Variants in PAPPA observed in about 807,000 individuals in gnomAD.
The protein encoded by PAPPA is pappalysin-1.
Under a neutral mutation model 164.0 loss-of-function variants are expected in PAPPA, and 60 were observed. The observed-to-expected ratio is 0.37, with a 90% CI of 0.30 to 0.45. PAPPA has a LOEUF of 0.45. Ranked by LOEUF, PAPPA falls within the 20% of genes least tolerant of loss-of-function variation. The pLI is 1.00. For synonymous variants in PAPPA, 875 were observed against 814.1 expected (o/e 1.07, Z -1.27); for missense variants, 1,782 against 2,087.3 (o/e 0.85, Z 2.85).
intron 9 of PAPPA, among the ~76,000 whole-genome samples, chr9:116,291,625 G>T (rs1234080668): frequency 6.6e-6 from 1 of 151,896 alleles, no homozygotes; most frequent in East Asian, 1.9e-4. Flanking sequence ...TAAGACAAGG[G>T]CCAGAAATAT....
intron 9 of PAPPA, among the ~76,000 whole-genome samples, chr9:116,293,172 CA>C (rs1434204917): frequency 6.6e-6 from 1 of 151,984 alleles, no homozygotes. Flanking sequence ...TTAGATAACG[CA>C]ATAAATTTTA....
chr9:116,207,306 C>A, intron 2 of PAPPA, 150 bp from the exon 3 acceptor site: 2 of 583,992 alleles, frequency 3.4e-6, no homozygotes, highest in Non-Finnish European at 5.8e-6. Context: ...AATCATCTTA[C>A]TTATAATATT....
At chr9:116,181,076 T>C (rs1394381787) in intron 1 of PAPPA, among the ~76,000 whole-genome samples, 2 of 152,156 alleles carry the variant, frequency 1.3e-5, no homozygotes, top group Non-Finnish European at 2.9e-5. Flanking sequence ...AGCAATTGAG[T>C]AAATTGAGAC....
chr9:116,382,497 G>C lies in PAPPA; in HGVS notation c.4776+4G>C, dbSNP rs753821244. 6.3e-7 allele frequency: 1 copy of C among 1,597,214 alleles called. No individual in the cohort carries two copies. The highest frequency in any genetic ancestry group is 2.2e-5 in the East Asian group (1 of 44,804). The stretch of plus-strand genomic sequence containing the variant: ...CTCCACAGTGAAGACCAAAAAGGTA[G>C]GCCAGTGTGCACTCCTCGGCAGCTG... On this transcript the variant is annotated splice_donor_region_variant and intron_variant, in intron 21 of 21. Transcript: ENST00000328252.
At position 116,178,050 on chromosome 9, in the gene PAPPA, A is replaced by G. The variant is rs77445518; in HGVS notation, c.416-9104A>G. Among the ~76,000 whole-genome samples the G allele has an allele frequency of 4.8e-3, 737 of 152,304 alleles. 10 individuals carry two copies. Among genetic ancestry groups the G allele is most frequent in the Admixed American group, 0.038 (587 of 15,290 alleles). On this transcript the variant is annotated intron_variant, in intron 1 of 21. Transcript: ENST00000328252. ...TATGTGTGTGTTTAACAGCACAAAAAGGGGGGAAATAATCCCAATTCTGAA... is the reference window on the plus strand; with the variant it reads ...TATGTGTGTGTTTAACAGCACAAAAGGGGGGGAAATAATCCCAATTCTGAA...
intron 7 of PAPPA, among the ~76,000 whole-genome samples, chr9:116,250,263 C>G (rs1372610798): frequency 6.6e-6 from 1 of 152,126 alleles, no homozygotes; most frequent in Non-Finnish European, 1.5e-5. Flanking sequence ...CAGACACAAC[C>G]TCACTGTGCA....
rs561102586 is a variant in PAPPA at position 116,278,267 on chromosome 9, C to T, written c.2953+6851C>T. Among the ~76,000 whole-genome samples, 4 of 152,298 alleles carry T rather than the reference C, an allele frequency of 2.6e-5. No homozygotes were observed. In the South Asian group the frequency reaches 8.3e-4, roughly 32 times the overall value. ...ACTCTGTAGAGTCAAAATAATTGCACCATTTTGCTGGTCAGAAAATTGAGG... is the reference window on the plus strand; with the variant it reads ...ACTCTGTAGAGTCAAAATAATTGCATCATTTTGCTGGTCAGAAAATTGAGG... On this transcript the variant is annotated intron_variant, in intron 9 of 21. Coordinates refer to ENST00000328252, the MANE Select transcript of PAPPA (RefSeq NM_002581.5).
intron 7 of PAPPA, among the ~76,000 whole-genome samples, chr9:116,247,336 A>G (rs1844808656): frequency 6.6e-6 from 1 of 152,142 alleles, no homozygotes; most frequent in South Asian, 2.1e-4. Context: ...TTTTCCTTTT[A>G]ATTGTGAGGC....
intron 1 of PAPPA, among the ~76,000 whole-genome samples, chr9:116,182,225 C>T (rs1843915069): frequency 6.6e-6 from 1 of 152,214 alleles, no homozygotes; most frequent in African/African-American, 2.4e-5. Context: ...ATAGTATGTT[C>T]TCAATAAAGA....
chr9:116,336,452 G>C (rs1043035743), intron 13 of PAPPA, among the ~76,000 whole-genome samples: 8 of 152,100 alleles, frequency 5.3e-5, no homozygotes, highest in Non-Finnish European at 7.4e-5. Flanking sequence ...ACAAGCCCTT[G>C]TTCTCCAGAC....
intron 20 of PAPPA, among the ~76,000 whole-genome samples, chr9:116,378,441 C>T (rs1213644086): frequency 6.6e-6 from 1 of 152,136 alleles, no homozygotes; most frequent in East Asian, 1.9e-4. Context: ...AGGTGGATGG[C>T]CAAATCTCTG....
At chr9:116,164,540 A>T (rs1163012918) in intron 1 of PAPPA, among the ~76,000 whole-genome samples, 1 of 152,214 alleles carries the variant, frequency 6.6e-6, no homozygotes, top group African/African-American at 2.4e-5. Flanking sequence ...ATATCGAAGT[A>T]TGTGAGTAGG....
At chr9:116,344,815 C>A in intron 14 of PAPPA, 104 bp downstream of exon 14, 1 of 930,036 alleles carries the variant, frequency 1.1e-6, no homozygotes, top group Non-Finnish European at 1.6e-6. Flanking sequence ...TAAAATAGTG[C>A]TGCCACATAG....
chr9:116,195,892 T>G (rs201170169), intron 2 of PAPPA, among the ~76,000 whole-genome samples: 1 of 102,656 alleles, frequency 9.7e-6, no homozygotes, highest in Non-Finnish European at 2.5e-5. Flanking sequence ...TTTTAAAATA[T>G]TTTTTTTAAT....
chr9:116,164,815 G>T (rs898542464), intron 1 of PAPPA, among the ~76,000 whole-genome samples: 6 of 152,168 alleles, frequency 3.9e-5, no homozygotes, highest in Admixed American at 3.3e-4. Context: ...GTGTTAATAG[G>T]CTAATCTTAA....
rs546310529 is a variant in PAPPA at position 116,258,803 on chromosome 9, G to T, written c.2733-7054G>T. Among the ~76,000 whole-genome samples, 3 of 152,170 alleles carry T rather than the reference G, an allele frequency of 2.0e-5. No individual in the cohort carries two copies. In the South Asian group the frequency reaches 6.2e-4, roughly 32 times the overall value. The stretch of plus-strand genomic sequence containing the variant: ...GGACAAATAATTTTAATACATATTT[G>T]GGGGGAAAAACAATCCTTATTTCAC... On this transcript the variant is annotated intron_variant, in intron 7 of 21. Transcript: ENST00000328252.
chr9:116,173,311 T>G (rs1017480037), intron 1 of PAPPA, among the ~76,000 whole-genome samples: 10 of 152,204 alleles, frequency 6.6e-5, no homozygotes, highest in Admixed American at 6.5e-4. Flanking sequence ...GAAATTGTGC[T>G]CACATTTCAC....
chr9:116,360,640 GTTCA>G (rs1054153711), intron 17 of PAPPA, among the ~76,000 whole-genome samples: 31 of 152,150 alleles, frequency 2.0e-4, no homozygotes, highest in African/African-American at 7.2e-4. Context: ...TCATCTGTGT[GTTCA>G]TTTATTTTCT....
intron 18 of PAPPA, among the ~76,000 whole-genome samples, chr9:116,365,227 C>T (rs1846483947): frequency 6.6e-6 from 1 of 152,142 alleles, no homozygotes; most frequent in Non-Finnish European, 1.5e-5. Context: ...ATTCTGGAGT[C>T]ACCCAGACCA....
Sources: allele counts gnomAD v4.1 joint callset (sites outside exome capture counted in the v4.1 genomes callset), GRCh38; gene constraint gnomAD v4.1.1; transcripts MANE v1.5; gene names NCBI Gene and HGNC (gene_info 2026-07-23, HGNC 2026-07-21).